The following NCKAP5 variants were observed in gnomAD, a reference collection of about 807,000 sequenced individuals.
NCKAP5 encodes the protein NCK associated protein 5, also known as nck-associated protein 5.
A neutral mutation model predicts 167.0 loss-of-function variants in NCKAP5; 92 were observed. The observed-to-expected ratio is 0.55, with a 90% CI of 0.47 to 0.66. NCKAP5 has a LOEUF of 0.66. Among genes scored for constraint, NCKAP5 ranks in the 30% least tolerant of loss-of-function variants. The probability of loss-of-function intolerance (pLI) is 0.00; values close to 1 mark genes in which losing one functional copy is unlikely to be tolerated. For synonymous variants in NCKAP5, 891 were observed against 877.4 expected (o/e 1.02, Z -0.27); for missense variants, 2,378 against 2,315.0 (o/e 1.03, Z -0.56).
chr2:133,559,944 CT>C (rs1171000957), intron 1 of NCKAP5, among the ~76,000 whole-genome samples: 1 of 152,204 alleles, frequency 6.6e-6, no homozygotes, highest in East Asian at 1.9e-4. Context: ...GTTCCCACTC[CT>C]CTTGTCTTCA....
At chr2:133,547,632 C>A (rs13013904) in intron 2 of NCKAP5, among the ~76,000 whole-genome samples, 3 of 149,330 alleles carry the variant, frequency 2.0e-5, no homozygotes, top group Non-Finnish European at 4.5e-5. Context: ...ACACCTCACA[C>A]GGCAGGGTAT....
chr2:132,861,584 T>C (rs1574449616), intron 10 of NCKAP5, among the ~76,000 whole-genome samples: 1 of 152,190 alleles, frequency 6.6e-6, no homozygotes, highest in Non-Finnish European at 1.5e-5. Context: ...GCATTCCTTC[T>C]ACCTTCTTCT....
rs559275879 is a variant in NCKAP5 at position 132,724,571 on chromosome 2, A to G, written c.5713+1056T>C. Among the ~76,000 whole-genome samples, 310 of 152,248 alleles carry G rather than the reference A, an allele frequency of 2.0e-3. 5 individuals carry two copies. The highest frequency in any genetic ancestry group is 5.8e-4 in the East Asian group (3 of 5,176). On this transcript the variant is annotated intron_variant, in intron 19 of 19. Transcript: ENST00000409261. Reference sequence around the variant, plus strand: ...TAGGCATCTTCATTGGGCGAGCTCCATGACAATGAACTCCCCTTCCCCTTC... The same window carrying G: ...TAGGCATCTTCATTGGGCGAGCTCCGTGACAATGAACTCCCCTTCCCCTTC...
At chr2:133,297,010 G>T (rs1680007590) in intron 4 of NCKAP5, among the ~76,000 whole-genome samples, 1 of 151,904 alleles carries the variant, frequency 6.6e-6, no homozygotes, top group Non-Finnish European at 1.5e-5. Context: ...TTTTTCTTAT[G>T]TTTCTTGTCA....
intron 4 of NCKAP5, among the ~76,000 whole-genome samples, chr2:133,264,586 C>T (rs2089087908): frequency 6.6e-6 from 1 of 152,148 alleles, no homozygotes; most frequent in East Asian, 1.9e-4. Context: ...GACTCAGAAA[C>T]ATCACATGGT....
chr2:132,961,298 T>A (rs1267362786), intron 8 of NCKAP5, among the ~76,000 whole-genome samples: 1 of 134,534 alleles, frequency 7.4e-6, no homozygotes, highest in East Asian at 2.3e-4. Flanking sequence ...ATTACATGTA[T>A]GACAAAATGA....
the NCKAP5 span, among the ~76,000 whole-genome samples, chr2:133,674,587 G>C: frequency 6.6e-6 from 1 of 151,966 alleles, no homozygotes; most frequent in Admixed American, 6.6e-5. Context: ...CTCCAGACCA[G>C]AGCACTTAAC....
At chr2:132,770,456 T>C (rs1287690094) in intron 16 of NCKAP5, among the ~76,000 whole-genome samples, 1 of 148,372 alleles carries the variant, frequency 6.7e-6, no homozygotes, top group Non-Finnish European at 1.5e-5. Flanking sequence ...ATATACTATA[T>C]ATAATATTAT....
intron 6 of NCKAP5, among the ~76,000 whole-genome samples, chr2:133,069,093 T>C (rs1450601205): frequency 1.3e-5 from 2 of 152,188 alleles, no homozygotes; most frequent in Non-Finnish European, 2.9e-5. Context: ...AGTACTGACT[T>C]GAGAAACCAA....
intron 16 of NCKAP5, among the ~76,000 whole-genome samples, chr2:132,763,216 T>C (rs1681164217): frequency 6.6e-6 from 1 of 152,208 alleles, no homozygotes; most frequent in African/African-American, 2.4e-5. Context: ...ATAGTCTATA[T>C]ATTGTCTGTA....
At chr2:133,486,100 A>C (rs995834738) in intron 3 of NCKAP5, among the ~76,000 whole-genome samples, 2 of 152,186 alleles carry the variant, frequency 1.3e-5, no homozygotes, top group African/African-American at 4.8e-5. Context: ...ACGGATAGTG[A>C]CAAAGTCCAC....
chr2:133,472,318 T>C (rs567295543), intron 3 of NCKAP5, among the ~76,000 whole-genome samples: 1 of 152,308 alleles, frequency 6.6e-6, no homozygotes, highest in African/African-American at 2.4e-5. Context: ...AGATTTCTTA[T>C]AAATTATCTT....
rs532725543 is a variant in NCKAP5, at chr2:133,461,698, T to C, written c.69+55760A>G. The stretch of plus-strand genomic sequence containing the variant: ...ACACATCACTTCTACTTCCATTCTA[T>C]GTGTGAGATCCTGATGACACAGCCT... On this transcript the variant is annotated intron_variant, in intron 3 of 19. Coordinates refer to ENST00000409261, the MANE Select transcript of NCKAP5 (RefSeq NM_207363.3). Among the ~76,000 whole-genome samples the C allele has an allele frequency of 2.6e-5, 4 of 152,300 alleles. No individual in the cohort carries two copies. In the East Asian group the frequency reaches 7.7e-4, roughly 29 times the overall value.
chr2:132,847,683 AT>A (rs58859478), intron 11 of NCKAP5, among the ~76,000 whole-genome samples: 11,954 of 152,212 alleles, frequency 0.079, 939 homozygotes, highest in African/African-American at 0.19. Context: ...TCAAGGACAT[AT>A]TATCATCACC....
intron 15 of NCKAP5, among the ~76,000 whole-genome samples, chr2:132,776,334 C>A (rs1682543263): frequency 6.6e-6 from 1 of 152,222 alleles, no homozygotes; most frequent in Non-Finnish European, 1.5e-5. Context: ...CGTGCCCCTT[C>A]TCCACCTCCT....
At chr2:133,070,163 C>G (rs2080340969) in intron 6 of NCKAP5, among the ~76,000 whole-genome samples, 1 of 152,058 alleles carries the variant, frequency 6.6e-6, no homozygotes. Context: ...TTATGACTTC[C>G]TTTTTGTAAA....
chr2:133,621,025 G>A, the NCKAP5 span, among the ~76,000 whole-genome samples: 1 of 152,082 alleles, frequency 6.6e-6, no homozygotes, highest in African/African-American at 2.4e-5. Flanking sequence ...AATGCACACT[G>A]GGTCAACAAT....
intron 3 of NCKAP5, among the ~76,000 whole-genome samples, chr2:133,476,207 T>A (rs1189372775): frequency 1.3e-5 from 2 of 152,226 alleles, no homozygotes; most frequent in Non-Finnish European, 2.9e-5. Flanking sequence ...AATGTTATTG[T>A]CAATGGTGCC....
chr2:132,955,251 TC>T (rs2076304566), intron 8 of NCKAP5, among the ~76,000 whole-genome samples: 1 of 152,162 alleles, frequency 6.6e-6, no homozygotes, highest in Non-Finnish European at 1.5e-5. Context: ...CTTGGACATA[TC>T]CGTGGCCATG....
Sources: allele counts gnomAD v4.1 joint callset (sites outside exome capture counted in the v4.1 genomes callset), GRCh38; gene constraint gnomAD v4.1.1; transcripts MANE v1.5; gene names NCBI Gene and HGNC (gene_info 2026-07-23, HGNC 2026-07-21).